The following SLC25A13 variants were observed in gnomAD, a reference collection of about 807,000 sequenced individuals.
SLC25A13 encodes the protein solute carrier family 25 member 13.
Under a neutral mutation model 85.5 loss-of-function variants are expected in SLC25A13, and 70 were observed. The observed-to-expected ratio is 0.82, with a 90% CI of 0.68 to 1.00. SLC25A13 has a LOEUF of 1.00. SLC25A13 is among the 50% of genes least tolerant of loss of function. The pLI is 0.00. For synonymous variants in SLC25A13, 259 were observed against 288.7 expected, an observed-to-expected ratio of 0.90 and a Z score of 1.04; for missense variants, 765 against 819.8, an observed-to-expected ratio of 0.93 and a Z score of 0.82.
chr7:96,315,433 G>A (rs1800094695), intron 1 of SLC25A13, among the ~76,000 whole-genome samples: 1 of 152,202 alleles, frequency 6.6e-6, no homozygotes, highest in Admixed American at 6.5e-5. Context: ...GAAGACTTCA[G>A]TATGTAGGGA....
chr7:96,260,961 A>G (rs750024883), intron 3 of SLC25A13, among the ~76,000 whole-genome samples: 17 of 152,250 alleles, frequency 1.1e-4, no homozygotes, highest in Middle Eastern at 3.4e-3. Flanking sequence ...CAACATCTAC[A>G]TAACCTGGCC....
At chr7:96,235,462 C>T (rs1796711046) in intron 3 of SLC25A13, among the ~76,000 whole-genome samples, 1 of 152,172 alleles carries the variant, frequency 6.6e-6, no homozygotes. Flanking sequence ...GCAGACAGCA[C>T]TGGTCTAGAA....
At chr7:96,307,522 G>A (rs549929224) in intron 1 of SLC25A13, among the ~76,000 whole-genome samples, 5 of 151,094 alleles carry the variant, frequency 3.3e-5, no homozygotes, top group Non-Finnish European at 7.4e-5. Context: ...GCCACTGCAC[G>A]CCAGCCTGGG....
rs953150903 is a variant in SLC25A13 at position 96,297,339 on chromosome 7, CT to C, written c.16-389del. 7.0e-3 allele frequency among the ~76,000 whole-genome samples: 1,030 copies of C among 146,516 alleles called. 6 individuals carry two copies. Among genetic ancestry groups the C allele is most frequent in the Non-Finnish European group, 9.2e-3 (608 of 66,098 alleles). On this transcript the variant is annotated intron_variant, in intron 1 of 17. Transcript: ENST00000265631. ...GTCAACTATGCAAGAGAACATATTT[CT>C]TTTTTTTTTTTCTGAGACAGTCTCT...
In SLC25A13 at chr7:96,164,373, C is replaced by A. The variant is rs76433509; in HGVS notation, c.1311+5672G>T. 9.5e-3 allele frequency among the ~76,000 whole-genome samples: 1,446 copies of A among 152,252 alleles called. 25 individuals are homozygous for A. Among genetic ancestry groups the A allele is most frequent in the African/African-American group, 0.033 (1,391 of 41,530 alleles). ...GGACCTTCTAGCTGCCTCACCACTC[C>A]AGCTGAAACCATGGGAAAGAGACAG... On this transcript the variant is annotated intron_variant, in intron 13 of 17. Coordinates refer to ENST00000265631, the MANE Select transcript of SLC25A13 (RefSeq NM_014251.3).
intron 3 of SLC25A13, among the ~76,000 whole-genome samples, chr7:96,255,626 G>T (rs1797604520): frequency 1.3e-5 from 2 of 152,146 alleles, no homozygotes; most frequent in African/African-American, 4.8e-5. Context: ...GGTTGAGGCT[G>T]CATTGAGCCA....
intron 15 of SLC25A13, among the ~76,000 whole-genome samples, chr7:96,123,727 G>A (rs1791613255): frequency 6.6e-6 from 1 of 152,182 alleles, no homozygotes; most frequent in Non-Finnish European, 1.5e-5. Flanking sequence ...GATTTCCAGT[G>A]TGAGGATTTG....
chr7:96,223,234 C>T (rs1406575247), intron 4 of SLC25A13, among the ~76,000 whole-genome samples: 1 of 152,190 alleles, frequency 6.6e-6, no homozygotes, highest in Non-Finnish European at 1.5e-5. Flanking sequence ...CACACACCAT[C>T]ATTACCACCA....
chr7:96,261,883 G>C (rs1026404401), intron 3 of SLC25A13, among the ~76,000 whole-genome samples: 1 of 152,192 alleles, frequency 6.6e-6, no homozygotes, highest in Non-Finnish European at 1.5e-5. Context: ...AAGGGAAAGA[G>C]ACGGGGAAGA....
At chr7:96,308,966 T>C (rs530629409) in intron 1 of SLC25A13, among the ~76,000 whole-genome samples, 26 of 152,160 alleles carry the variant, frequency 1.7e-4, no homozygotes, top group Middle Eastern at 3.4e-3. Flanking sequence ...TGAACCACCA[T>C]AAAAAAAGAA....
chr7:96,260,321 T>G (rs556324135), intron 3 of SLC25A13, among the ~76,000 whole-genome samples: 16 of 151,918 alleles, frequency 1.1e-4, no homozygotes, highest in Middle Eastern at 3.4e-3. Flanking sequence ...AATCAATGGA[T>G]CATATCAAAA....
At chr7:96,310,710 A>T (rs1350614832) in intron 1 of SLC25A13, among the ~76,000 whole-genome samples, 1 of 152,094 alleles carries the variant, frequency 6.6e-6, no homozygotes, top group Non-Finnish European at 1.5e-5. Context: ...CATAGCTTCT[A>T]CCTTTATTAG....
intron 13 of SLC25A13, among the ~76,000 whole-genome samples, chr7:96,152,359 G>A (rs1467370448): frequency 1.3e-5 from 2 of 152,158 alleles, no homozygotes; most frequent in African/African-American, 4.8e-5. Flanking sequence ...GCTCATCCGG[G>A]AGGCAGAGCC....
In SLC25A13 at chr7:96,208,853, A is replaced by G; in HGVS notation, c.453T>C (p.Phe151=). The change falls in exon 5 of 18, where the codon TTT becomes TTC. Residue 151 remains phenylalanine (F), a synonymous_variant. Transcript: ENST00000265631. ...CTAGACCCACCAATAAAAACTGAGT[A>G]AATTCCGCATATGTCAGGTGTCTTT... ...ERKRHLTYAE[F]TQFLLEIQLE... is the part of the protein sequence containing the mutation. 6.2e-7 allele frequency: 1 copy of G among 1,614,092 alleles called. No individual in the cohort carries two copies. The highest frequency in any genetic ancestry group is 8.5e-7 in the Non-Finnish European group (1 of 1,180,000).
intron 3 of SLC25A13, among the ~76,000 whole-genome samples, chr7:96,238,421 G>C (rs1028206663): frequency 2.6e-5 from 4 of 151,174 alleles, no homozygotes; most frequent in African/African-American, 9.7e-5. Flanking sequence ...TTCCCAGTTT[G>C]CGGTAGAGTA....
intron 4 of SLC25A13, among the ~76,000 whole-genome samples, chr7:96,209,856 C>A (rs1399042643): frequency 6.6e-6 from 1 of 152,120 alleles, no homozygotes; most frequent in African/African-American, 2.4e-5. Context: ...AAATTATTAG[C>A]ATATTAATAA....
chr7:96,208,395 A>AAGTATGTAGTAAGTAAATCAC (rs1305732321), intron 5 of SLC25A13, among the ~76,000 whole-genome samples: 1 of 152,196 alleles, frequency 6.6e-6, no homozygotes, highest in Non-Finnish European at 1.5e-5. Flanking sequence ...AAACTGTAGT[A>AAGTATGTAGTAAGTAAATCAC]AGTATGTAGT....
chr7:96,206,886 G>A (rs531433983), intron 5 of SLC25A13, among the ~76,000 whole-genome samples: 4 of 152,150 alleles, frequency 2.6e-5, no homozygotes, highest in African/African-American at 7.2e-5. Flanking sequence ...TTGCTTAGAG[G>A]AGGAAACACG....
chr7:96,290,193 A>C (rs1202927762), intron 2 of SLC25A13, among the ~76,000 whole-genome samples: 2 of 152,336 alleles, frequency 1.3e-5, no homozygotes, highest in East Asian at 3.9e-4. Flanking sequence ...TAAGTGAAGG[A>C]GAAATAAAAT....
Sources: allele counts gnomAD v4.1 joint callset (sites outside exome capture counted in the v4.1 genomes callset), GRCh38; gene constraint gnomAD v4.1.1; transcripts MANE v1.5; gene names NCBI Gene and HGNC (gene_info 2026-07-23, HGNC 2026-07-21).